The following MRPS28 variants were observed in gnomAD, a reference collection of about 807,000 sequenced individuals.
The protein encoded by MRPS28 is mitochondrial ribosomal protein S28.
In MRPS28, 7 loss-of-function variants were observed where a neutral mutation model predicts 10.8. The ratio of observed to expected loss-of-function variants is 0.65; its 90% confidence interval spans 0.37 to 1.22. The LOEUF is 1.22. MRPS28 is among the 50% of genes most tolerant of loss of function. MRPS28 has a pLI of 0.02. For missense variants in MRPS28, 265 were observed against 232.9 expected, an observed-to-expected ratio of 1.14 and a Z score of -0.90; for synonymous variants, 121 against 93.3, an observed-to-expected ratio of 1.30 and a Z score of -1.71.
intron 2 of MRPS28, among the ~76,000 whole-genome samples, chr8:79,933,061 A>T (rs750181720): frequency 3.9e-5 from 6 of 152,204 alleles, no homozygotes; most frequent in African/African-American, 1.4e-4. Context: ...TGGGGAAGCA[A>T]GACCTTTTTT....
At chr8:79,987,613 A>G (rs1484137835) in intron 2 of MRPS28, among the ~76,000 whole-genome samples, 3 of 152,346 alleles carry the variant, frequency 2.0e-5, no homozygotes, top group South Asian at 4.1e-4. Context: ...AAAAGTGGGC[A>G]AAGGACATGA....
At chr8:79,919,815 C>T (rs7817664) in intron 2 of MRPS28, among the ~76,000 whole-genome samples, 116,488 of 152,126 alleles carry the variant, frequency 0.77, 44,941 homozygotes, top group African/African-American at 0.85. Context: ...TTTTTTATTA[C>T]ACTTTAAGTT....
intron 2 of MRPS28, among the ~76,000 whole-genome samples, chr8:79,930,324 G>A (rs1405674157): frequency 6.6e-6 from 1 of 152,122 alleles, no homozygotes; most frequent in African/African-American, 2.4e-5. Flanking sequence ...TGGAGCTACT[G>A]TTTTCTGTTC....
chr8:79,973,480 C>T (rs917352304), intron 2 of MRPS28, among the ~76,000 whole-genome samples: 7 of 152,102 alleles, frequency 4.6e-5, no homozygotes, highest in African/African-American at 1.7e-4. Flanking sequence ...TATGAAGACA[C>T]ACCCCCATCT....
intron 2 of MRPS28, among the ~76,000 whole-genome samples, chr8:79,989,240 T>C (rs773084049): frequency 4.9e-4 from 74 of 152,260 alleles, no homozygotes; most frequent in Non-Finnish European, 6.3e-4. Flanking sequence ...AAAAATGATA[T>C]AGAAAAAATT....
At chr8:79,938,216 A>G (rs907650534) in intron 2 of MRPS28, among the ~76,000 whole-genome samples, 1 of 107,526 alleles carries the variant, frequency 9.3e-6, no homozygotes, top group Admixed American at 1.0e-4. Flanking sequence ...GTGCTACATT[A>G]AAAAGACATA....
chr8:80,027,278 T>C (rs1328318696), intron 1 of MRPS28, among the ~76,000 whole-genome samples: 1 of 152,196 alleles, frequency 6.6e-6, no homozygotes, highest in Non-Finnish European at 1.5e-5. Flanking sequence ...AATGTATTAT[T>C]TCACATAAAC....
intron 1 of MRPS28, among the ~76,000 whole-genome samples, chr8:80,013,649 A>AAAAG (rs1809118330): frequency 6.6e-6 from 1 of 151,028 alleles, no homozygotes; most frequent in East Asian, 1.9e-4. Context: ...AAAAAAAAAA[A>AAAAG]AAAAGAAAAG....
chr8:79,935,048 T>G (rs889774065), intron 2 of MRPS28, among the ~76,000 whole-genome samples: 1 of 152,232 alleles, frequency 6.6e-6, no homozygotes, highest in African/African-American at 2.4e-5. Flanking sequence ...ACCTTTTAAA[T>G]AGACTTTGCC....
intron 1 of MRPS28, among the ~76,000 whole-genome samples, chr8:80,022,181 A>G (rs1281471366): frequency 6.6e-6 from 1 of 151,460 alleles, no homozygotes; most frequent in East Asian, 1.9e-4. Flanking sequence ...TATAAATGAA[A>G]TCACACCATA....
At chr8:79,993,407 G>C (rs1325114260) in intron 2 of MRPS28, among the ~76,000 whole-genome samples, 5 of 152,214 alleles carry the variant, frequency 3.3e-5, no homozygotes, top group Admixed American at 6.5e-5. Context: ...AATCCATTTT[G>C]CATGTCAATT....
intron 2 of MRPS28, among the ~76,000 whole-genome samples, chr8:79,987,383 A>G (rs895207083): frequency 1.6e-4 from 24 of 152,360 alleles, no homozygotes; most frequent in African/African-American, 5.1e-4. Flanking sequence ...CTTCATGTCT[A>G]AAACACCAAA....
At chr8:79,941,507 G>C (rs1253044119) in intron 2 of MRPS28, among the ~76,000 whole-genome samples, 1 of 152,110 alleles carries the variant, frequency 6.6e-6, no homozygotes, top group African/African-American at 2.4e-5. Flanking sequence ...GATATCTGCA[G>C]AACAAAACAA....
rs189043230 is a variant in MRPS28, at chr8:79,947,791, C to T, written c.396-28643G>A. ...CTGGGACTACAGGTGCCTACCACTA[C>T]GCCCGGCTAATTTTTTTTTGTATTT... is the stretch of plus-strand genomic sequence containing the variant. On this transcript the variant is annotated intron_variant, in intron 2 of 2. Coordinates refer to ENST00000276585, the MANE Select transcript of MRPS28 (RefSeq NM_014018.3). Among the ~76,000 whole-genome samples, 4 of 151,092 alleles carry T rather than the reference C, an allele frequency of 2.6e-5. No homozygotes were observed. The South Asian group carries it at 6.3e-4, about 24-fold the overall frequency.
At chr8:79,952,434 A>T (rs2129974305) in intron 2 of MRPS28, among the ~76,000 whole-genome samples, 1 of 152,318 alleles carries the variant, frequency 6.6e-6, no homozygotes, top group South Asian at 2.1e-4. Flanking sequence ...ATACACCAAG[A>T]GTAGAAATGT....
At position 79,929,893 on chromosome 8, in the gene MRPS28, C is replaced by T. The variant is rs143904824; in HGVS notation, c.396-10745G>A. On this transcript the variant is annotated intron_variant, in intron 2 of 2. Coordinates refer to ENST00000276585, the MANE Select transcript of MRPS28 (RefSeq NM_014018.3). The stretch of plus-strand genomic sequence containing the variant: ...TGACCCAGAAAGCCTAATAGTTCTC[C>T]GACACCAGAAAGCATGAAAGCTGGA... Among the ~76,000 whole-genome samples the T allele has an allele frequency of 7.2e-3, 1,089 of 151,984 alleles. 11 individuals carry two copies. Among genetic ancestry groups the T allele is most frequent in the African/African-American group, 0.025 (1,026 of 41,456 alleles).
chr8:80,013,784 C>T (rs1030962464), intron 1 of MRPS28, among the ~76,000 whole-genome samples: 12 of 151,894 alleles, frequency 7.9e-5, no homozygotes, highest in East Asian at 5.8e-4. Context: ...TTCTATTAAC[C>T]GTGCTATAAT....
At chr8:79,984,323 C>A (rs865995628) in intron 2 of MRPS28, among the ~76,000 whole-genome samples, 3 of 152,176 alleles carry the variant, frequency 2.0e-5, no homozygotes, top group South Asian at 2.1e-4. Context: ...CATAATCATG[C>A]CAAATTGTAA....
chr8:79,923,236 GA>G (rs1355594146), intron 2 of MRPS28, among the ~76,000 whole-genome samples: 2 of 152,186 alleles, frequency 1.3e-5, no homozygotes, highest in African/African-American at 4.8e-5. Flanking sequence ...ATGGTACACG[GA>G]AGTAAAGCTA....
Sources: allele counts gnomAD v4.1 joint callset (sites outside exome capture counted in the v4.1 genomes callset), GRCh38; gene constraint gnomAD v4.1.1; transcripts MANE v1.5; gene names NCBI Gene and HGNC (gene_info 2026-07-23, HGNC 2026-07-21).